Variants in STK10 observed in about 807,000 individuals in gnomAD.
STK10 encodes serine/threonine kinase 10, also known as serine/threonine-protein kinase 10.
A neutral mutation model predicts 113.8 loss-of-function variants in STK10; 78 were observed. The observed-to-expected ratio is 0.69, with a 90% CI of 0.57 to 0.83. The LOEUF is 0.83. STK10 is among the 40% of genes least tolerant of loss of function. STK10 has a pLI of 0.00. For missense variants in STK10, 1,109 were observed against 1,280.1 expected (o/e 0.87, Z 2.04); for synonymous variants, 465 against 494.7 (o/e 0.94, Z 0.80).
chr5:172,056,112 T>A (rs1767748209), intron 15 of STK10, among the ~76,000 whole-genome samples: 1 of 152,202 alleles, frequency 6.6e-6, no homozygotes, highest in Admixed American at 6.5e-5. Flanking sequence ...ACTTATATTT[T>A]AAAAAATCCT....
intron 18 of STK10, among the ~76,000 whole-genome samples, chr5:172,046,878 A>G (rs116782061): frequency 5.3e-5 from 8 of 152,302 alleles, no homozygotes; most frequent in Non-Finnish European, 8.8e-5. Flanking sequence ...GCTAACACCT[A>G]CTTTAAGGAA....
At chr5:172,119,831 T>G (rs1769469590) in intron 3 of STK10, among the ~76,000 whole-genome samples, 1 of 150,002 alleles carries the variant, frequency 6.7e-6, no homozygotes, top group Non-Finnish European at 1.5e-5. Flanking sequence ...GCCACTGCAC[T>G]CCAGCCTGGG....
chr5:172,053,115 G>T, intron 17 of STK10, 73 bp from the exon 18 acceptor site: 2 of 1,232,924 alleles, frequency 1.6e-6, no homozygotes, highest in Non-Finnish European at 2.4e-6. Context: ...CACACCTCAC[G>T]CTGTGGCTAC....
chr5:172,110,844 G>A (rs1769223457), intron 4 of STK10, among the ~76,000 whole-genome samples: 1 of 152,206 alleles, frequency 6.6e-6, no homozygotes, highest in African/African-American at 2.4e-5. Flanking sequence ...AAAGCGAGAA[G>A]ATGGTGATTC....
chr5:172,091,156 G>A (rs575239300), intron 9 of STK10, among the ~76,000 whole-genome samples: 2 of 152,168 alleles, frequency 1.3e-5, no homozygotes, highest in African/African-American at 4.8e-5. Flanking sequence ...CTCCCGGCCT[G>A]TGTTCCATGC....
chr5:172,117,356 G>T, intron 4 of STK10, 125 bp downstream of exon 4: 1 of 1,032,808 alleles, frequency 9.7e-7, no homozygotes, highest in Non-Finnish European at 1.4e-6. Context: ...GACATGCCAA[G>T]AGGGCGTAGG....
chr5:172,093,892 G>A lies in STK10; in HGVS notation c.1074C>T (p.Leu358=), dbSNP rs769766902. ...SPPSLNADKP[L]EESPSTPLAP... Reference sequence around the variant, plus strand: ...CCAGCGGGGTGGAAGGTGACTCCTCGAGAGGCTTGTCAGCATTGAGGCTTG... The same window carrying A: ...CCAGCGGGGTGGAAGGTGACTCCTCAAGAGGCTTGTCAGCATTGAGGCTTG... The change falls in exon 9 of 19, where the codon CTC becomes CTT. Residue 358 remains leucine, a synonymous_variant. Transcript: ENST00000176763. This position sits in a 1 kb window ranked among gnomAD's most constrained non-coding sequence, Gnocchi z 4.1. 8 of 1,554,522 alleles carry A rather than the reference G, an allele frequency of 5.1e-6. No individual in the cohort carries two copies. Among genetic ancestry groups the A allele is most frequent in the Admixed American group, 1.9e-5 (1 of 52,936 alleles).
At position 172,106,645 on chromosome 5, in the gene STK10, G is replaced by C; in HGVS notation, c.763C>G (p.Pro255Ala). 2 of 1,613,000 alleles carry C rather than the reference G, an allele frequency of 1.2e-6. No individual in the cohort carries two copies. The highest frequency in any genetic ancestry group is 4.5e-5 in the East Asian group (2 of 44,818). The change falls in exon 6 of 19, where the codon CCC (proline) becomes GCC (alanine). Residue 255 changes from proline to alanine, a missense_variant. By Grantham distance (27) the Pro-to-Ala change is conservative. Transcript: ENST00000176763. ...VLLKIAKSDP[P>A]TLLTPSKWSV... ...CACTTAGAGGGCGTGAGCAGCGTGG[G>C]AGGGTCCGACTTGGCGATCTTTAGC... is the stretch of plus-strand genomic sequence containing the variant.
intron 2 of STK10, among the ~76,000 whole-genome samples, chr5:172,147,307 G>A (rs1295025400): frequency 6.6e-6 from 1 of 151,950 alleles, no homozygotes; most frequent in Non-Finnish European, 1.5e-5. Flanking sequence ...ACACAGGCAT[G>A]ACTGACAACC....
In STK10 at chr5:172,133,360, C is replaced by T. The variant is rs1769794379; in HGVS notation, c.322-5939G>A. Among the ~76,000 whole-genome samples, 1 of 152,172 alleles carries T rather than the reference C, an allele frequency of 6.6e-6. No individual in the cohort carries two copies. The highest frequency in any genetic ancestry group is 1.5e-5 in the Non-Finnish European group (1 of 68,030). On this transcript the variant is annotated intron_variant, in intron 2 of 18. Transcript: ENST00000176763. The surrounding 1 kb of genome is among the most constrained non-coding windows in gnomAD (Gnocchi z 4.9). ...AGGCCATTTCATGAGTCCTGATGTC[C>T]TGGGCACCATGGCTACCTCCCCCTC...
rs115234173 is a variant in STK10, at chr5:172,069,969, C to T, written c.1990-5157G>A. Among the ~76,000 whole-genome samples, 1,257 of 152,210 alleles carry T rather than the reference C, an allele frequency of 8.3e-3. 14 individuals are homozygous for T. Among genetic ancestry groups the T allele is most frequent in the African/African-American group, 0.029 (1,205 of 41,532 alleles). ...CTGAAATCTTAAAAAATATATGGGC[C>T]GGGCGTGGTGGCTCATGCCTGTAAT... On this transcript the variant is annotated intron_variant, in intron 12 of 18. Coordinates refer to ENST00000176763, the MANE Select transcript of STK10 (RefSeq NM_005990.4).
intron 13 of STK10, among the ~76,000 whole-genome samples, chr5:172,064,157 T>C (rs1768016235): frequency 6.6e-6 from 1 of 152,032 alleles, no homozygotes; most frequent in African/African-American, 2.4e-5. Flanking sequence ...GGGAGGCCAC[T>C]GGACAGTGGC....
At chr5:172,049,085 C>A (rs1318259185) in intron 18 of STK10, among the ~76,000 whole-genome samples, 1 of 152,018 alleles carries the variant, frequency 6.6e-6, no homozygotes, top group African/African-American at 2.4e-5. Context: ...CACTTTGTGA[C>A]CCCCCCATGC....
intron 7 of STK10, among the ~76,000 whole-genome samples, chr5:172,098,151 T>G (rs764998320): frequency 6.6e-6 from 1 of 152,148 alleles, no homozygotes; most frequent in African/African-American, 2.4e-5. Flanking sequence ...TTTAAACGAC[T>G]AAAAAACAAA....
At chr5:172,078,619 TAAAAAAAAAAAAA>T (rs58823824) in intron 12 of STK10, among the ~76,000 whole-genome samples, 1,691 of 72,832 alleles carry the variant, frequency 0.023, 48 homozygotes, top group African/African-American at 0.058. Context: ...GCCTCATCAT[TAAAAAAAAAAAAA>T]AAAAAAAAAA....
chr5:172,149,220 A>G (rs886465631), intron 2 of STK10, among the ~76,000 whole-genome samples: 2 of 151,972 alleles, frequency 1.3e-5, no homozygotes, highest in African/African-American at 4.8e-5. Context: ...ATAGTCAGGA[A>G]ACAGCCCACC....
At chr5:172,069,892 A>G (rs1022776203) in intron 12 of STK10, among the ~76,000 whole-genome samples, 7 of 152,224 alleles carry the variant, frequency 4.6e-5, no homozygotes, top group African/African-American at 1.4e-4. Context: ...AACACTCAGC[A>G]ACACAGACCA....
intron 7 of STK10, 89 bp downstream of exon 7, chr5:172,105,567 G>A (rs924985112): frequency 1.9e-5 from 26 of 1,353,408 alleles, no homozygotes; most frequent in Middle Eastern, 2.0e-4. Flanking sequence ...TTCCCTGGGC[G>A]GGGTGAGAAC....
At chr5:172,053,198 A>C in intron 17 of STK10, 156 bp from the exon 18 acceptor site, 1 of 620,886 alleles carries the variant, frequency 1.6e-6, no homozygotes. Context: ...CTATACGTAA[A>C]TCACATGCAC....
Sources: gnomAD v4.1 joint callset for allele counts (sites outside exome capture counted in the v4.1 genomes callset) on GRCh38, gnomAD v4.1.1 for gene constraint, Gnocchi (gnomAD v3.1) non-coding constraint, MANE v1.5 for transcripts, NCBI Gene and HGNC (gene_info 2026-07-23, HGNC 2026-07-21) for gene names.